RAPGEF5: variants seen among roughly 807,000 people sequenced by gnomAD.
RAPGEF5 encodes the protein Rap guanine nucleotide exchange factor 5, also known as M-Ras-regulated GEF.
A neutral mutation model predicts 125.2 loss-of-function variants in RAPGEF5; 65 were observed. The observed-to-expected ratio is 0.52, with a 90% CI of 0.43 to 0.64. The LOEUF (loss-of-function observed/expected upper bound fraction) is 0.64. Ranked by LOEUF, RAPGEF5 falls within the 30% of genes least tolerant of loss-of-function variation. RAPGEF5 has a pLI of 0.00. For missense variants in RAPGEF5, 958 were observed against 1,048.1 expected, an observed-to-expected ratio of 0.91 and a Z score of 1.19; for synonymous variants, 391 against 385.9, an observed-to-expected ratio of 1.01 and a Z score of -0.16.
chr7:22,136,247 C>A (rs1365595078), intron 22 of RAPGEF5, 122 bp from the exon 23 acceptor site: 4 of 655,718 alleles, frequency 6.1e-6, no homozygotes, highest in Non-Finnish European at 9.8e-6. Flanking sequence ...CTCCTAAGAA[C>A]AAAGTAGATA....
intron 24 of RAPGEF5, 78 bp downstream of exon 24, chr7:22,130,959 A>G (rs1299732881): frequency 1.3e-6 from 2 of 1,504,204 alleles, no homozygotes; most frequent in East Asian, 2.5e-5. Context: ...TACTAAAACT[A>G]TTTATTTCCT....
At chr7:22,356,261 A>G in intron 1 of RAPGEF5, 3 of 985,344 alleles carry the variant, frequency 3.0e-6, no homozygotes, top group Non-Finnish European at 3.6e-6. Context: ...CCTGCTCAAG[A>G]GGGTGTCCAG....
chr7:22,349,050 C>T (rs2128388839), intron 1 of RAPGEF5, among the ~76,000 whole-genome samples: 1 of 150,996 alleles, frequency 6.6e-6, no homozygotes, highest in Middle Eastern at 3.4e-3. Context: ...AATGGTGCCA[C>T]CGTACTCCAG....
chr7:22,145,045 G>A lies in RAPGEF5; in HGVS notation c.2185C>T (p.His729Tyr). 6.2e-7 allele frequency: 1 copy of A among 1,612,614 alleles called. No homozygotes were observed. Among genetic ancestry groups the A allele is most frequent in the Non-Finnish European group, 8.5e-7 (1 of 1,179,098 alleles). ...LVKKFIKIAA[H>Y]CKAQRNLNSF... ...GCACTTCTCACACTAGAAACTTACT[G>A]AGCCGCAATTTTGATGAATTTTTTC... is the stretch of plus-strand genomic sequence containing the variant. The change falls in exon 20 of 26, where the codon CAC becomes TAC. Residue 729 changes from histidine to tyrosine, a missense_variant and splice_region_variant. His to Tyr is a moderately conservative substitution (Grantham distance 83, BLOSUM62 2). Transcript: ENST00000665637.
intron 2 of RAPGEF5, among the ~76,000 whole-genome samples, chr7:22,317,203 A>T (rs1783619225): frequency 2.0e-5 from 3 of 149,520 alleles, no homozygotes; most frequent in Admixed American, 1.3e-4. Context: ...CACAAAGCTC[A>T]CAGTCTCCTG....
In RAPGEF5 at chr7:22,201,089, A is replaced by G. The variant is rs545718275; in HGVS notation, c.997-7056T>C. Among the ~76,000 whole-genome samples, 9 of 152,312 alleles carry G rather than the reference A, an allele frequency of 5.9e-5. No individual in the cohort carries two copies. The South Asian group carries it at 1.9e-3, about 32-fold the overall frequency. ...AGATAACCAGGACTAGAAAAGAGGG[A>G]GATCTTAACTAGCCCTGGGCTGGAA... On this transcript the variant is annotated intron_variant, in intron 9 of 25. Transcript: ENST00000665637.
chr7:22,169,937 G>A lies in RAPGEF5; in HGVS notation c.1205-2789C>T, dbSNP rs536649948. Among the ~76,000 whole-genome samples, 3 of 150,294 alleles carry A rather than the reference G, an allele frequency of 2.0e-5. No individual in the cohort carries two copies. The South Asian group carries it at 6.3e-4, about 32-fold the overall frequency. On this transcript the variant is annotated intron_variant, in intron 11 of 25. Transcript: ENST00000665637. Reference sequence around the variant, plus strand: ...AGGTAGGAGGATGGCTGGAACCCAGGTGGCAGAGGTTGCAAGTGAGCCAAG... The same window carrying A: ...AGGTAGGAGGATGGCTGGAACCCAGATGGCAGAGGTTGCAAGTGAGCCAAG...
chr7:22,316,487 A>ATTTTT (rs879849683), intron 2 of RAPGEF5, among the ~76,000 whole-genome samples: 15 of 34,130 alleles, frequency 4.4e-4, no homozygotes, highest in Non-Finnish European at 5.8e-4. Context: ...ATATATATAT[A>ATTTTT]TATTTTTTTT....
intron 7 of RAPGEF5, among the ~76,000 whole-genome samples, chr7:22,263,207 A>G (rs1427323520): frequency 1.3e-5 from 2 of 152,178 alleles, no homozygotes; most frequent in Non-Finnish European, 2.9e-5. Context: ...AACATGAGGG[A>G]TCGCTGTGTT....
chr7:22,273,272 G>A (rs1782482061), intron 6 of RAPGEF5, among the ~76,000 whole-genome samples: 1 of 137,534 alleles, frequency 7.3e-6, no homozygotes, highest in African/African-American at 2.8e-5. Context: ...AGGCTTGAGT[G>A]CAGTGGCGCA....
At chr7:22,325,073 A>G (rs1190622086) in intron 1 of RAPGEF5, among the ~76,000 whole-genome samples, 1 of 152,066 alleles carries the variant, frequency 6.6e-6, no homozygotes, top group Non-Finnish European at 1.5e-5. Context: ...ACTTTCCTGT[A>G]TTTCTACATT....
intron 7 of RAPGEF5, among the ~76,000 whole-genome samples, chr7:22,261,042 T>C (rs1234380284): frequency 6.6e-6 from 1 of 152,216 alleles, no homozygotes; most frequent in African/African-American, 2.4e-5. Flanking sequence ...GAAAACATTT[T>C]GATTTCCACA....
chr7:22,236,270 G>GC (rs1439544650), intron 7 of RAPGEF5, among the ~76,000 whole-genome samples: 1 of 152,042 alleles, frequency 6.6e-6, no homozygotes, highest in African/African-American at 2.4e-5. Flanking sequence ...AACTTTCACT[G>GC]CAATACAGTT....
rs1340695607 is a variant in RAPGEF5 at position 22,146,994 on chromosome 7, G to A, written c.1910C>T (p.Ser637Leu). 1 of 1,612,910 alleles carries A rather than the reference G, an allele frequency of 6.2e-7. No homozygotes were observed. The highest frequency in any genetic ancestry group is 8.5e-7 in the Non-Finnish European group (1 of 1,179,652). The change falls in exon 19 of 26, where the codon TCA becomes TTA. Residue 637 changes from serine to leucine, a missense_variant. Transcript: ENST00000665637. ...TLNPFAENEE[S>L]QQRSMRILGM... ...CAAAATCCTCATCGACCTTTGCTGT[G>A]ATTCCTCATTTTCTGCAAATGGGTT...
chr7:22,261,775 A>G (rs1782161545), intron 7 of RAPGEF5, among the ~76,000 whole-genome samples: 2 of 152,170 alleles, frequency 1.3e-5, no homozygotes, highest in African/African-American at 4.8e-5. Context: ...ATACGCCCAC[A>G]TGACTTTTGA....
At chr7:22,148,770 A>T (rs562564523) in intron 18 of RAPGEF5, among the ~76,000 whole-genome samples, 39 of 152,222 alleles carry the variant, frequency 2.6e-4, no homozygotes, top group Non-Finnish European at 4.6e-4. Context: ...CACAGGAGGG[A>T]GCTACCTGAG....
chr7:22,138,315 G>A (rs142757841), intron 21 of RAPGEF5, among the ~76,000 whole-genome samples: 8 of 152,252 alleles, frequency 5.3e-5, no homozygotes, highest in Non-Finnish European at 7.4e-5. Context: ...ATTCAGGCAC[G>A]TACTACAGCT....
intron 7 of RAPGEF5, among the ~76,000 whole-genome samples, chr7:22,247,832 T>C (rs1786517862): frequency 6.6e-6 from 1 of 152,280 alleles, no homozygotes. Context: ...AGCAATATGG[T>C]TGCAGCTGGA....
At chr7:22,226,679 T>C (rs935269064) in intron 8 of RAPGEF5, among the ~76,000 whole-genome samples, 2 of 152,130 alleles carry the variant, frequency 1.3e-5, no homozygotes, top group Non-Finnish European at 2.9e-5. Flanking sequence ...GAGTCACTGG[T>C]ATGGGCCTCG....
Sources: gnomAD v4.1 joint callset for allele counts (sites outside exome capture counted in the v4.1 genomes callset) on GRCh38, gnomAD v4.1.1 for gene constraint, MANE v1.5 for transcripts, NCBI Gene and HGNC (gene_info 2026-07-23, HGNC 2026-07-21) for gene names.